LCTL: variants seen among roughly 807,000 people sequenced by gnomAD.
LCTL encodes the protein lactase-like protein.
In LCTL, 76 loss-of-function variants were observed where a neutral mutation model predicts 75.8. The ratio of observed to expected loss-of-function variants is 1.00; its 90% CI spans 0.83 to 1.21. The LOEUF (loss-of-function observed/expected upper bound fraction) is 1.21. Ranked by LOEUF, LCTL falls within the 50% of genes most tolerant of loss-of-function variation. The probability of loss-of-function intolerance (pLI) is 0.00; values close to 1 mark genes in which losing one functional copy is unlikely to be tolerated. For missense variants in LCTL, 670 were observed against 712.4 expected (o/e 0.94, Z 0.68); for synonymous variants, 271 against 268.8 (o/e 1.01, Z -0.08).
In LCTL at chr15:66,560,125, TCA is replaced by T. The variant is rs574777353; in HGVS notation, c.705+879_705+880del. ...CTTGAGAGCTCTGCCCTTTAAATAT[TCA>T]CAGTTTAAGAAATCATAAGCCAAAT... On this transcript the variant is annotated intron_variant, in intron 6 of 12. Coordinates refer to ENST00000341509, the Ensembl canonical transcript of LCTL. Among the ~76,000 whole-genome samples, 81 of 152,210 alleles carry T rather than the reference TCA, an allele frequency of 5.3e-4. 1 individual carries two copies. The highest frequency in any genetic ancestry group is 6.2e-4 in the South Asian group (3 of 4,816).
chr15:66,564,908 G>A, intron 1 of LCTL, 69 bp from the exon 3 acceptor site: 1 of 1,467,610 alleles, frequency 6.8e-7, no homozygotes, highest in Non-Finnish European at 9.2e-7. Flanking sequence ...ACTCTGGGCT[G>A]TGCCTCCCAG....
intron 6 of LCTL, among the ~76,000 whole-genome samples, chr15:66,560,214 T>C (rs184069426): frequency 6.6e-6 from 1 of 152,292 alleles, no homozygotes; most frequent in Admixed American, 6.5e-5. Context: ...TGTCACCCAG[T>C]GGTTCCTTGC....
chr15:66,557,731 C>G (rs1432237552), exon 8 of LCTL: 1 of 1,613,928 alleles, frequency 6.2e-7, no homozygotes. Context: ...CCAATGTAGT[C>G]CTTCATGACT....
At chr15:66,563,600 G>A (rs779896851) in exon 4 of LCTL, 31 of 1,611,168 alleles carry the variant, frequency 1.9e-5, no homozygotes, top group Admixed American at 6.7e-5. Context: ...TGTAGAATTC[G>A]ATTCCCTTCT....
intron 1 of LCTL, 81 bp downstream of exon 2, chr15:66,565,167 C>G (rs534572572): frequency 9.7e-5 from 90 of 925,942 alleles, no homozygotes; most frequent in Non-Finnish European, 1.5e-4. Flanking sequence ...GAAGCAAGAA[C>G]ACCAAACTCC....
chr15:66,551,647 G>A lies in LCTL; in HGVS notation c.1524+15C>T, dbSNP rs571585920. The A allele has an allele frequency of 6.2e-7, 1 of 1,603,094 alleles. No homozygotes were observed. The highest frequency in any genetic ancestry group is 1.1e-5 in the South Asian group (1 of 90,742). ...CCTAAAGTTCAGAACAGATAACATT[G>A]ATAATGAGGCCTACCTCTCTTGGAT... is the stretch of plus-strand genomic sequence containing the variant. On this transcript the variant is annotated intron_variant, in intron 11 of 12. Coordinates refer to ENST00000341509, the Ensembl canonical transcript of LCTL.
intron 12 of LCTL, chr15:66,548,861 T>C (rs1487695780): frequency 4.1e-6 from 1 of 243,102 alleles, no homozygotes; most frequent in African/African-American, 2.2e-5. Context: ...TATAATAAAG[T>C]CCATCTCTCA....
exon 8 of LCTL, chr15:66,557,837 G>A (rs1367701402): frequency 1.9e-6 from 3 of 1,614,124 alleles, no homozygotes; most frequent in East Asian, 2.2e-5. Context: ...GGTTACTAAT[G>A]TCCACAGGTT....
At chr15:66,564,565 GACATT>G in intron 2 of LCTL, 106 bp downstream of exon 3, 1 of 1,252,150 alleles carries the variant, frequency 8.0e-7, no homozygotes, top group Non-Finnish European at 1.1e-6. Flanking sequence ...GCATGGGGAT[GACATT>G]GTCATCAGAG....
exon 1 of LCTL, chr15:66,565,277 G>T (rs374895123): frequency 6.2e-7 from 1 of 1,612,926 alleles, no homozygotes; most frequent in African/African-American, 1.3e-5. Context: ...GTAGAAGGAG[G>T]CCTCTTCTGG....
intron 6 of LCTL, among the ~76,000 whole-genome samples, chr15:66,559,868 C>T (rs1404237207): frequency 6.6e-6 from 1 of 152,038 alleles, no homozygotes; most frequent in East Asian, 1.9e-4. Flanking sequence ...AAGGGAATCA[C>T]CTGAAGTCAG....
intron 9 of LCTL, 71 bp downstream of exon 10, chr15:66,552,913 A>G: frequency 7.6e-7 from 1 of 1,308,978 alleles, no homozygotes; most frequent in Admixed American, 2.9e-5. Flanking sequence ...TAATGTAGGC[A>G]CCTGAGCTTA....
At chr15:66,547,584 A>G (rs1895424041) in exon 13 of LCTL, 1 of 152,142 alleles carries the variant, frequency 6.6e-6, no homozygotes, top group Admixed American at 6.6e-5. Context: ...AGTTACCTAG[A>G]AGATAAATAA....
At chr15:66,565,412 A>G (rs749204174) in exon 1 of LCTL, 1 of 1,235,966 alleles carries the variant, frequency 8.1e-7, no homozygotes, top group Non-Finnish European at 1.2e-6. Flanking sequence ...CTGGCTCTGC[A>G]GGCCCCTGCA....
chr15:66,562,555 G>T (rs1298397278), intron 4 of LCTL, among the ~76,000 whole-genome samples: 3 of 152,082 alleles, frequency 2.0e-5, no homozygotes, highest in Non-Finnish European at 4.4e-5. Context: ...TAGAAAAAAG[G>T]CTAAACTTGT....
At chr15:66,561,671 C>T (rs905745846) in intron 4 of LCTL, among the ~76,000 whole-genome samples, 1 of 152,192 alleles carries the variant, frequency 6.6e-6, no homozygotes, top group African/African-American at 2.4e-5. Context: ...GACATCTGCC[C>T]ATGACGGCAG....
At chr15:66,553,623 C>T (rs1037836930) in intron 8 of LCTL, among the ~76,000 whole-genome samples, 5 of 151,852 alleles carry the variant, frequency 3.3e-5, no homozygotes, top group East Asian at 1.9e-4. Context: ...GGCGTGGTGG[C>T]AGCCGCCTGT....
At chr15:66,550,049 A>G (rs1365845888) in exon 12 of LCTL, 2 of 1,601,284 alleles carry the variant, frequency 1.2e-6, no homozygotes, top group Non-Finnish European at 1.7e-6. Context: ...ACCTGCAGCA[A>G]GCATCTGATT....
intron 9 of LCTL, 137 bp downstream of exon 10, chr15:66,552,847 C>CA (rs1011568241): frequency 2.8e-6 from 2 of 724,338 alleles, no homozygotes; most frequent in African/African-American, 3.6e-5. Flanking sequence ...GTAAGGCCTA[C>CA]ATTTAGTAGC....
Sources: gnomAD v4.1 joint callset for allele counts (sites outside exome capture counted in the v4.1 genomes callset) on GRCh38, gnomAD v4.1.1 for gene constraint, MANE v1.5 for transcripts, NCBI Gene and HGNC (gene_info 2026-07-23, HGNC 2026-07-21) for gene names.